Variants in SLC16A7 observed in about 807,000 individuals in gnomAD.
The protein encoded by SLC16A7 is monocarboxylate transporter 2.
A neutral mutation model predicts 34.9 loss-of-function variants in SLC16A7; 33 were observed. The observed-to-expected ratio is 0.94, with a 90% CI of 0.72 to 1.26. SLC16A7 has a LOEUF of 1.26. Among genes scored for constraint, SLC16A7 ranks in the 50% most tolerant of loss-of-function variants. The pLI, the probability that SLC16A7 is intolerant of heterozygous loss-of-function variation, is 0.00. For missense variants in SLC16A7, 573 were observed against 578.1 expected (o/e 0.99, Z 0.09); for synonymous variants, 201 against 206.6 (o/e 0.97, Z 0.23).
chr12:59,654,709 A>T (rs1868447378), intron 1 of SLC16A7, among the ~76,000 whole-genome samples: 1 of 149,972 alleles, frequency 6.7e-6, no homozygotes, highest in Non-Finnish European at 1.5e-5. Flanking sequence ...ACACACACAC[A>T]CTCACACTCA....
intron 3 of SLC16A7, among the ~76,000 whole-genome samples, chr12:59,760,814 T>G (rs1395804889): frequency 6.6e-6 from 1 of 152,126 alleles, no homozygotes; most frequent in Non-Finnish European, 1.5e-5. Flanking sequence ...AATTATTTAT[T>G]TCTGGAATTT....
At chr12:59,640,971 A>C (rs959012850) in intron 1 of SLC16A7, among the ~76,000 whole-genome samples, 9 of 152,094 alleles carry the variant, frequency 5.9e-5, no homozygotes, top group African/African-American at 2.2e-4. Flanking sequence ...GTTGAACAAA[A>C]CACTGAAGGC....
intron 2 of SLC16A7, among the ~76,000 whole-genome samples, chr12:59,698,477 C>T (rs1249676862): frequency 1.3e-5 from 2 of 151,770 alleles, no homozygotes; most frequent in East Asian, 3.9e-4. Flanking sequence ...ATGTCTTACA[C>T]TGGATGGCAT....
intron 2 of SLC16A7, among the ~76,000 whole-genome samples, chr12:59,673,536 A>T (rs925401767): frequency 6.6e-6 from 1 of 152,216 alleles, no homozygotes; most frequent in Non-Finnish European, 1.5e-5. Context: ...TAGCAATAAA[A>T]TATTTCACAT....
chr12:59,772,804 T>C (rs943772501), intron 4 of SLC16A7, among the ~76,000 whole-genome samples: 3 of 152,140 alleles, frequency 2.0e-5, no homozygotes, highest in Non-Finnish European at 4.4e-5. Context: ...TAAATAAATA[T>C]TTGCAAATAA....
intron 3 of SLC16A7, chr12:59,768,240 C>CA (rs1565711053): frequency 2.2e-6 from 1 of 454,022 alleles, no homozygotes. Context: ...GGGAGGAGGT[C>CA]AAAATACCAA....
intron 3 of SLC16A7, among the ~76,000 whole-genome samples, chr12:59,710,472 G>A (rs529072764): frequency 6.6e-6 from 1 of 152,076 alleles, no homozygotes; most frequent in South Asian, 2.1e-4. Context: ...GATTGGAAGT[G>A]TGCTTAGAGC....
At chr12:59,677,828 A>T (rs1195768519) in intron 2 of SLC16A7, among the ~76,000 whole-genome samples, 1 of 152,244 alleles carries the variant, frequency 6.6e-6, no homozygotes, top group African/African-American at 2.4e-5. Context: ...TACATAGGTC[A>T]TGGTGCCATG....
intron 1 of SLC16A7, among the ~76,000 whole-genome samples, chr12:59,652,568 G>T (rs888106555): frequency 2.0e-5 from 3 of 151,726 alleles, no homozygotes; most frequent in Non-Finnish European, 4.4e-5. Context: ...AATGATCTCT[G>T]AAATTATAGA....
At chr12:59,656,144 T>C (rs1868522371) in intron 2 of SLC16A7, among the ~76,000 whole-genome samples, 2 of 152,016 alleles carry the variant, frequency 1.3e-5, no homozygotes, top group African/African-American at 4.8e-5. Flanking sequence ...TTCTGTCTTC[T>C]ACCTCTGTTG....
At chr12:59,718,963 C>T (rs985590443) in intron 3 of SLC16A7, among the ~76,000 whole-genome samples, 2 of 152,072 alleles carry the variant, frequency 1.3e-5, no homozygotes, top group East Asian at 3.8e-4. Context: ...GGACCCGATT[C>T]CCCCACTTCT....
At position 59,784,444 on chromosome 12, in the gene SLC16A7, A is replaced by T. The variant is rs1443911122; in HGVS notation, c.*4765A>T. ...AATTTTAGTGATTATTCCATTTATA[A>T]TATTATCCGTAGCTACCAAAAAAAA... On this transcript the variant is annotated 3_prime_UTR_variant, in exon 6 of 6. Transcript: ENST00000547379. The T allele has an allele frequency of 2.0e-5, 3 of 152,158 alleles. No homozygotes were observed. Among genetic ancestry groups the T allele is most frequent in the Non-Finnish European group, 4.4e-5 (3 of 68,010 alleles). 9.4% of individuals were successfully genotyped at this position (152,158 alleles called of 1,614,324 possible). A position where few individuals can be genotyped will look rare whatever the true frequency, so the allele number is the denominator to read the frequency against.
intron 1 of SLC16A7, among the ~76,000 whole-genome samples, chr12:59,628,334 C>T (rs1476832397): frequency 6.6e-5 from 10 of 151,808 alleles, no homozygotes; most frequent in African/African-American, 2.2e-4. Flanking sequence ...CCCTTCTGAA[C>T]ACTCACTCAG....
chr12:59,732,879 T>G (rs1049377678), intron 3 of SLC16A7, among the ~76,000 whole-genome samples: 12 of 152,200 alleles, frequency 7.9e-5, no homozygotes, highest in African/African-American at 2.9e-4. Context: ...CTGCTATGAA[T>G]TGACAGACAA....
At chr12:59,601,181 T>C (rs896785315) in intron 1 of SLC16A7, among the ~76,000 whole-genome samples, 4 of 152,214 alleles carry the variant, frequency 2.6e-5, no homozygotes, top group African/African-American at 9.6e-5. Context: ...CATTTGCTGT[T>C]TCTCCACCTC....
At chr12:59,622,504 C>G (rs997875659) in intron 1 of SLC16A7, among the ~76,000 whole-genome samples, 20 of 151,766 alleles carry the variant, frequency 1.3e-4, no homozygotes, top group African/African-American at 4.8e-4. Flanking sequence ...TTTCAGAAAC[C>G]TTTCAGATTA....
At chr12:59,630,912 G>T (rs954819356) in intron 1 of SLC16A7, among the ~76,000 whole-genome samples, 8 of 151,858 alleles carry the variant, frequency 5.3e-5, no homozygotes, top group Non-Finnish European at 1.0e-4. Flanking sequence ...CATTAGATTT[G>T]TTTCAAGGAC....
intron 3 of SLC16A7, chr12:59,768,462 T>C: frequency 4.1e-6 from 1 of 244,642 alleles, no homozygotes; most frequent in Non-Finnish European, 8.3e-6. Flanking sequence ...AAGAAAGTGG[T>C]TTCTTGAAAT....
chr12:59,781,786 T>G lies in SLC16A7; in HGVS notation c.*2107T>G, dbSNP rs1232822860. 6.6e-6 allele frequency: 1 copy of G among 152,400 alleles called. No individual in the cohort carries two copies. The highest frequency in any genetic ancestry group is 1.9e-4 in the East Asian group (1 of 5,200). The allele number at this position is 152,400 out of a possible 1,614,324, so 9.4% of individuals were successfully genotyped here. A position where few individuals can be genotyped will look rare whatever the true frequency, so the allele number is the denominator to read the frequency against. On this transcript the variant is annotated 3_prime_UTR_variant, in exon 6 of 6. Transcript: ENST00000547379. ...ATCATAAATTTTCAAAAAAAAATTC[T>G]ACTTTCCAAAAAGTGTCTTGAATTC...
Sources: allele counts gnomAD v4.1 joint callset (sites outside exome capture counted in the v4.1 genomes callset), GRCh38; gene constraint gnomAD v4.1.1; transcripts MANE v1.5; gene names NCBI Gene and HGNC (gene_info 2026-07-23, HGNC 2026-07-21).